Variants in CDK14 observed in about 807,000 individuals in gnomAD.
CDK14 encodes the protein cyclin dependent kinase 14.
Under a neutral mutation model 60.7 loss-of-function variants are expected in CDK14, and 34 were observed. That is an observed-to-expected ratio of 0.56 (90% CI 0.43 to 0.75). CDK14 has a LOEUF of 0.75. CDK14 is among the 30% of genes least tolerant of loss of function. The pLI is 0.00. For synonymous variants in CDK14, 197 were observed against 203.7 expected (o/e 0.97, Z 0.28); for missense variants, 482 against 564.1 (o/e 0.85, Z 1.47).
chr7:90,682,867 G>T (rs576837209), intron 2 of CDK14, among the ~76,000 whole-genome samples: 1 of 152,148 alleles, frequency 6.6e-6, no homozygotes, highest in East Asian at 1.9e-4. Flanking sequence ...GTTTCCTCTT[G>T]TTTAGTTTTA....
At position 90,729,362 on chromosome 7, in the gene CDK14, TTTTTTTTTTC is replaced by T. The variant is rs1198275930; in HGVS notation, c.369+2551_369+2560del. Among the ~76,000 whole-genome samples the T allele has an allele frequency of 1.2e-3, 157 of 129,546 alleles. 5 individuals carry two copies. The highest frequency in any genetic ancestry group is 1.6e-3 in the Non-Finnish European group (99 of 63,300). 85.0% of individuals were successfully genotyped at this position (129,546 alleles called of 152,430 possible). A position where few individuals can be genotyped will look rare whatever the true frequency, so the allele number is the denominator to read the frequency against. On this transcript the variant is annotated intron_variant, in intron 3 of 14. Transcript: ENST00000380050. ...TATCAAGGTTTTTTTTTTTTTTTTTTTTTTTTTTTCCCCACTCATCCTAGGCAATGTGACT... is the reference window on the plus strand; with the variant it reads ...TATCAAGGTTTTTTTTTTTTTTTTTTCCCACTCATCCTAGGCAATGTGACT...
At chr7:90,979,065 C>T (rs1795155019) in intron 9 of CDK14, among the ~76,000 whole-genome samples, 2 of 152,040 alleles carry the variant, frequency 1.3e-5, no homozygotes, top group African/African-American at 4.8e-5. Context: ...TCTGTAGCAA[C>T]TACTTATCTT....
intron 14 of CDK14, among the ~76,000 whole-genome samples, chr7:91,189,898 C>T (rs1802306095): frequency 6.6e-6 from 1 of 152,184 alleles, no homozygotes; most frequent in Non-Finnish European, 1.5e-5. Context: ...GTGTTAGTTT[C>T]AACTTCACCC....
chr7:90,927,976 C>G (rs1170820348), intron 8 of CDK14, among the ~76,000 whole-genome samples: 1 of 152,084 alleles, frequency 6.6e-6, no homozygotes, highest in Non-Finnish European at 1.5e-5. Flanking sequence ...TCTTCAATCA[C>G]TGATGCCCTT....
chr7:90,829,010 G>A (rs1047239156), intron 5 of CDK14, among the ~76,000 whole-genome samples: 25 of 152,070 alleles, frequency 1.6e-4, no homozygotes, highest in African/African-American at 5.1e-4. Context: ...ATGGCAGAAG[G>A]GGAAGCAAGG....
chr7:90,687,296 T>C (rs1474499763), intron 2 of CDK14, among the ~76,000 whole-genome samples: 2 of 152,096 alleles, frequency 1.3e-5, no homozygotes, highest in East Asian at 3.9e-4. Context: ...ATGAGTCTAT[T>C]ATATTTATTA....
chr7:91,091,619 A>G (rs1361107922), intron 12 of CDK14, among the ~76,000 whole-genome samples: 1 of 148,722 alleles, frequency 6.7e-6, no homozygotes. Flanking sequence ...CAGTGAGCCA[A>G]GATCATACCA....
intron 11 of CDK14, among the ~76,000 whole-genome samples, chr7:91,056,830 C>T (rs574349369): frequency 6.6e-6 from 1 of 152,252 alleles, no homozygotes; most frequent in South Asian, 2.1e-4. Context: ...TGGGTTGGTT[C>T]CAAGTCTTTG....
intron 2 of CDK14, among the ~76,000 whole-genome samples, chr7:90,631,016 C>T (rs1279668622): frequency 6.6e-6 from 1 of 151,748 alleles, no homozygotes. Flanking sequence ...TCTCTGCATG[C>T]ATACCATCTC....
chr7:91,036,034 G>A (rs576787921), intron 10 of CDK14, among the ~76,000 whole-genome samples: 13 of 152,074 alleles, frequency 8.5e-5, no homozygotes, highest in African/African-American at 3.1e-4. Flanking sequence ...TAGTAGAGAC[G>A]GGGTTTCACC....
chr7:90,609,192 T>C (rs1033850600), intron 2 of CDK14, among the ~76,000 whole-genome samples: 1 of 151,966 alleles, frequency 6.6e-6, no homozygotes, highest in East Asian at 1.9e-4. Context: ...ACCTGGCTAA[T>C]TTTTGTATTT....
At chr7:90,603,376 A>G (rs542071173) in intron 1 of CDK14, among the ~76,000 whole-genome samples, 3 of 152,248 alleles carry the variant, frequency 2.0e-5, no homozygotes, top group African/African-American at 7.2e-5. Context: ...ACATTTTTCT[A>G]TGTTTAGATA....
At chr7:90,768,525 G>A (rs1442316159) in intron 4 of CDK14, among the ~76,000 whole-genome samples, 4 of 152,210 alleles carry the variant, frequency 2.6e-5, no homozygotes, top group East Asian at 3.8e-4. Context: ...AAAGTTGGGC[G>A]TCTCAGTTTC....
At chr7:90,884,099 A>G (rs1288383308) in intron 6 of CDK14, among the ~76,000 whole-genome samples, 1 of 152,196 alleles carries the variant, frequency 6.6e-6, no homozygotes, top group African/African-American at 2.4e-5. Flanking sequence ...GCAATCAGGC[A>G]AGAGAAAGAA....
At chr7:91,028,700 A>T (rs971141657) in intron 10 of CDK14, among the ~76,000 whole-genome samples, 17 of 151,986 alleles carry the variant, frequency 1.1e-4, no homozygotes, top group South Asian at 2.1e-4. Flanking sequence ...ATTTTTTCAT[A>T]TGTTTGTTGG....
At chr7:90,817,491 G>T (rs3779560) in intron 5 of CDK14, among the ~76,000 whole-genome samples, 27,556 of 152,016 alleles carry the variant, frequency 0.18, 2,610 homozygotes, top group South Asian at 0.23. Context: ...TCAACAGCAG[G>T]GGTCAGTTTT....
chr7:90,683,849 T>C (rs1352675059), intron 2 of CDK14, among the ~76,000 whole-genome samples: 1 of 152,032 alleles, frequency 6.6e-6, no homozygotes, highest in African/African-American at 2.4e-5. Context: ...TCATTGGTAC[T>C]GGGAATCTGC....
chr7:90,799,138 T>G (rs1279375014), intron 5 of CDK14, among the ~76,000 whole-genome samples: 1 of 152,198 alleles, frequency 6.6e-6, no homozygotes, highest in Non-Finnish European at 1.5e-5. Context: ...TTCTTGAATA[T>G]GTGATGGTTT....
intron 6 of CDK14, among the ~76,000 whole-genome samples, chr7:90,868,099 G>A (rs1190887075): frequency 6.6e-6 from 1 of 151,922 alleles, no homozygotes; most frequent in Non-Finnish European, 1.5e-5. Flanking sequence ...CACTAGACTG[G>A]ACTCTGGATG....
Sources: gnomAD v4.1 joint callset for allele counts (sites outside exome capture counted in the v4.1 genomes callset) on GRCh38, gnomAD v4.1.1 for gene constraint, MANE v1.5 for transcripts, NCBI Gene and HGNC (gene_info 2026-07-23, HGNC 2026-07-21) for gene names.